Variants in LARS2 observed in about 807,000 individuals in gnomAD.
LARS2 encodes leucyl-tRNA synthetase 2, mitochondrial, also known as leucine--tRNA ligase, mitochondrial.
A neutral mutation model predicts 116.6 loss-of-function variants in LARS2; 81 were observed. That is an observed-to-expected ratio of 0.69 (90% CI 0.58 to 0.84). LARS2 has a LOEUF of 0.84. Ranked by LOEUF, LARS2 falls within the 40% of genes least tolerant of loss-of-function variation. The probability of loss-of-function intolerance (pLI) is 0.00; values close to 1 mark genes in which losing one functional copy is unlikely to be tolerated. For missense variants in LARS2, 968 were observed against 1,114.5 expected (o/e 0.87, Z 1.87); for synonymous variants, 396 against 407.2 (o/e 0.97, Z 0.33).
intron 4 of LARS2, among the ~76,000 whole-genome samples, chr3:45,401,445 G>A (rs1698147384): frequency 6.6e-6 from 1 of 152,036 alleles, no homozygotes; most frequent in Non-Finnish European, 1.5e-5. Context: ...CAAGGCTGCA[G>A]TGAGTTGTAA....
chr3:45,411,979 T>C (rs2125682527), intron 4 of LARS2, among the ~76,000 whole-genome samples: 3 of 152,342 alleles, frequency 2.0e-5, no homozygotes, highest in Middle Eastern at 3.4e-3. Flanking sequence ...CTGAGGATAT[T>C]GGCCTCCAGC....
At position 45,476,773 on chromosome 3, in the gene LARS2, A is replaced by G. The variant is rs529805214; in HGVS notation, c.1018+146A>G. Reference sequence around the variant, plus strand: ...CTGATTTTTTATGTTTTTATTTTGAAACATGAGGATAAAAAAGAGCTCTGA... The same window carrying G: ...CTGATTTTTTATGTTTTTATTTTGAGACATGAGGATAAAAAAGAGCTCTGA... On this transcript the variant is annotated intron_variant, in intron 10 of 21. Coordinates refer to ENST00000645846, the MANE Select transcript of LARS2 (RefSeq NM_015340.4). 5.3e-6 allele frequency: 4 copies of G among 757,496 alleles called. No individual in the cohort carries two copies. The South Asian group carries it at 8.0e-5, about 15-fold the overall frequency. The allele number at this position is 757,496 out of a possible 1,614,324, so 46.9% of individuals were successfully genotyped here.
intron 20 of LARS2, among the ~76,000 whole-genome samples, chr3:45,532,227 T>A (rs1471031979): frequency 6.6e-6 from 1 of 152,222 alleles, no homozygotes; most frequent in Non-Finnish European, 1.5e-5. Flanking sequence ...TGGCTGTTGG[T>A]TTGGGATGGA....
chr3:45,394,172 G>A (rs1294212736), intron 2 of LARS2, among the ~76,000 whole-genome samples: 2 of 152,226 alleles, frequency 1.3e-5, no homozygotes, highest in Non-Finnish European at 2.9e-5. Flanking sequence ...GGTTGCGCAG[G>A]AGCTGGCCAG....
intron 20 of LARS2, among the ~76,000 whole-genome samples, chr3:45,528,211 T>A (rs1368815693): frequency 6.6e-6 from 1 of 152,000 alleles, no homozygotes; most frequent in Non-Finnish European, 1.5e-5. Context: ...GTGGCATGTG[T>A]CTGTAGGCTC....
chr3:45,393,280 A>T (rs1697988749), intron 2 of LARS2, among the ~76,000 whole-genome samples: 1 of 152,184 alleles, frequency 6.6e-6, no homozygotes, highest in Non-Finnish European at 1.5e-5. Context: ...AAGTGCTACG[A>T]AAGAAGGGAC....
intron 10 of LARS2, among the ~76,000 whole-genome samples, chr3:45,478,264 C>T (rs542457562): frequency 6.6e-6 from 1 of 152,326 alleles, no homozygotes; most frequent in South Asian, 2.1e-4. Context: ...GTTTTACTCT[C>T]ATGAGCAATT....
intron 4 of LARS2, among the ~76,000 whole-genome samples, chr3:45,415,311 G>C (rs568052599): frequency 6.6e-6 from 1 of 152,306 alleles, no homozygotes; most frequent in African/African-American, 2.4e-5. Flanking sequence ...AAGGTGATTA[G>C]AGAGCAGTAC....
At chr3:45,424,057 C>T (rs556810053) in intron 6 of LARS2, among the ~76,000 whole-genome samples, 16 of 152,180 alleles carry the variant, frequency 1.1e-4, no homozygotes, top group African/African-American at 3.9e-4. Flanking sequence ...TAATATCAAA[C>T]CAGGAAGCTG....
At chr3:45,445,907 GCTTT>G (rs754210314) in intron 6 of LARS2, among the ~76,000 whole-genome samples, 14 of 152,174 alleles carry the variant, frequency 9.2e-5, no homozygotes, top group South Asian at 6.2e-4. Flanking sequence ...GTAAAAGTAC[GCTTT>G]CTATCAAAAG....
chr3:45,416,338 G>A (rs1175342598), intron 4 of LARS2, among the ~76,000 whole-genome samples: 2 of 151,888 alleles, frequency 1.3e-5, no homozygotes, highest in Non-Finnish European at 2.9e-5. Flanking sequence ...AATCAGGGGA[G>A]AGAGAGAGAG....
At chr3:45,517,414 A>G (rs956954133) in intron 17 of LARS2, among the ~76,000 whole-genome samples, 3 of 152,188 alleles carry the variant, frequency 2.0e-5, no homozygotes, top group Non-Finnish European at 4.4e-5. Flanking sequence ...AATATGGAAA[A>G]CACACATACC....
chr3:45,547,720 G>C lies in LARS2; in HGVS notation c.*190G>C, dbSNP rs1034152577. 5.5e-6 allele frequency: 3 copies of C among 544,232 alleles called. No individual in the cohort carries two copies. Among genetic ancestry groups the C allele is most frequent in the Non-Finnish European group, 9.6e-6 (3 of 313,764 alleles). 33.7% of individuals were successfully genotyped at this position (544,232 alleles called of 1,614,324 possible). A position where few individuals can be genotyped will look rare whatever the true frequency, so the allele number is the denominator to read the frequency against. ...TGGCCTGGTGCTGGGGTGAAGGTGA[G>C]CTGGGCAAAGGAGAAATATGAGCTA... On this transcript the variant is annotated 3_prime_UTR_variant, in exon 22 of 22. Coordinates refer to ENST00000645846, the MANE Select transcript of LARS2 (RefSeq NM_015340.4).
chr3:45,400,166 G>T (rs1698119242), intron 3 of LARS2, 79 bp from the exon 4 acceptor site: 2 of 1,295,678 alleles, frequency 1.5e-6, no homozygotes, highest in Admixed American at 4.8e-5. Flanking sequence ...ATTACTTTGT[G>T]TAAAATGCCA....
intron 20 of LARS2, among the ~76,000 whole-genome samples, chr3:45,533,077 C>G (rs375453144): frequency 7.0e-6 from 1 of 142,506 alleles, no homozygotes; most frequent in Non-Finnish European, 1.5e-5. Flanking sequence ...ATTTTGCAGA[C>G]TTTTATTATC....
intron 20 of LARS2, among the ~76,000 whole-genome samples, chr3:45,533,644 G>A (rs1700656075): frequency 6.6e-6 from 1 of 152,074 alleles, no homozygotes; most frequent in Non-Finnish European, 1.5e-5. Context: ...ATGTAAATGG[G>A]ATTTTCAGAA....
intron 6 of LARS2, among the ~76,000 whole-genome samples, chr3:45,428,257 T>G (rs1167352223): frequency 1.4e-5 from 2 of 145,452 alleles, no homozygotes; most frequent in African/African-American, 5.0e-5. Flanking sequence ...TTTTTTTTTT[T>G]TTTTGAGATG....
At chr3:45,408,050 G>A (rs1452495385) in intron 4 of LARS2, among the ~76,000 whole-genome samples, 1 of 152,122 alleles carries the variant, frequency 6.6e-6, no homozygotes, top group African/African-American at 2.4e-5. Context: ...GTCCCCTTTG[G>A]GCACCCATTT....
In LARS2 at chr3:45,476,387, G is replaced by A. The variant is rs985590165; in HGVS notation, c.859-81G>A. The A allele has an allele frequency of 1.5e-5, 22 of 1,429,200 alleles. No homozygotes were observed. The Admixed American group carries it at 3.1e-4, about 20-fold the overall frequency. The allele number at this position is 1,429,200 out of a possible 1,614,324, so 88.5% of individuals were successfully genotyped here. ...TCACTGTTGGGGAATGAGGAGGGAA[G>A]GGGAAGGGGATACAGTTAGGGAGCA... On this transcript the variant is annotated intron_variant, in intron 9 of 21. Transcript: ENST00000645846.
Sources: allele counts gnomAD v4.1 joint callset (sites outside exome capture counted in the v4.1 genomes callset), GRCh38; gene constraint gnomAD v4.1.1; transcripts MANE v1.5; gene names NCBI Gene and HGNC (gene_info 2026-07-23, HGNC 2026-07-21).